Variants in PRR14L observed in about 807,000 individuals in gnomAD.
PRR14L encodes the protein proline rich 14 like.
Under a neutral mutation model 155.0 loss-of-function variants are expected in PRR14L, and 80 were observed. That is an observed-to-expected ratio of 0.52 (90% CI 0.43 to 0.62). The LOEUF is 0.62. Ranked by LOEUF, PRR14L falls within the 20% of genes least tolerant of loss-of-function variation. The probability of loss-of-function intolerance (pLI) is 0.00; values close to 1 mark genes in which losing one functional copy is unlikely to be tolerated. For synonymous variants in PRR14L, 883 were observed against 916.0 expected, an observed-to-expected ratio of 0.96 and a Z score of 0.65; for missense variants, 2,469 against 2,548.0, an observed-to-expected ratio of 0.97 and a Z score of 0.67.
intron 1 of PRR14L, among the ~76,000 whole-genome samples, chr22:31,746,141 G>A (rs1382491569): frequency 1.3e-5 from 2 of 152,036 alleles, no homozygotes; most frequent in Non-Finnish European, 2.9e-5. Flanking sequence ...CATTGCACAG[G>A]CTGGTCTTGA....
intron 7 of PRR14L, among the ~76,000 whole-genome samples, chr22:31,690,296 AC>A (rs2147852194): frequency 6.6e-6 from 1 of 152,156 alleles, no homozygotes; most frequent in South Asian, 2.1e-4. Flanking sequence ...TGATCCACCC[AC>A]CTCGGCCTCT....
intron 8 of PRR14L, among the ~76,000 whole-genome samples, chr22:31,686,256 G>A (rs1194144727): frequency 1.3e-5 from 2 of 149,846 alleles, no homozygotes; most frequent in Admixed American, 6.6e-5. Flanking sequence ...CCACCACCAC[G>A]CCCGGCTAAT....
chr22:31,740,251 A>G (rs1177091375), intron 1 of PRR14L, among the ~76,000 whole-genome samples: 2 of 151,062 alleles, frequency 1.3e-5, no homozygotes, highest in Non-Finnish European at 3.0e-5. Context: ...ATGGAGTCTC[A>G]CTCTGTCACC....
At chr22:31,748,268 G>T (rs867008970) in intron 1 of PRR14L, among the ~76,000 whole-genome samples, 1 of 152,320 alleles carries the variant, frequency 6.6e-6, no homozygotes. Context: ...AAAGAAAGAA[G>T]AGTTTTTTAA....
intron 4 of PRR14L, among the ~76,000 whole-genome samples, chr22:31,709,115 G>T (rs138252630): frequency 6.6e-6 from 1 of 151,514 alleles, no homozygotes; most frequent in African/African-American, 2.4e-5. Flanking sequence ...GAGCCACTGT[G>T]CCCAGCTGAC....
intron 7 of PRR14L, among the ~76,000 whole-genome samples, chr22:31,693,984 A>G (rs1361550142): frequency 6.6e-6 from 1 of 152,234 alleles, no homozygotes; most frequent in Non-Finnish European, 1.5e-5. Context: ...TAACATATAA[A>G]ACACACTATA....
rs2074460854 is a variant in PRR14L, at chr22:31,682,713, G to C, written c.*2814C>G. On this transcript the variant is annotated 3_prime_UTR_variant, in exon 9 of 9. Coordinates refer to ENST00000327423, the MANE Select transcript of PRR14L (RefSeq NM_173566.3). ...TTAAAAACACTAAACCTCTGGAAGT[G>C]ATAGTTGAGTAAGCTGTAGTTAACT... The C allele has an allele frequency of 6.6e-6, 1 of 152,174 alleles. No homozygotes were observed. The highest frequency in any genetic ancestry group is 2.4e-5 in the African/African-American group (1 of 41,442). 9.4% of individuals were successfully genotyped at this position (152,174 alleles called of 1,614,324 possible).
chr22:31,696,267 C>T (rs980072986), intron 7 of PRR14L, among the ~76,000 whole-genome samples: 1 of 151,732 alleles, frequency 6.6e-6, no homozygotes, highest in Non-Finnish European at 1.5e-5. Context: ...TCAGCCTCCC[C>T]AGTAGCTGGG....
intron 6 of PRR14L, among the ~76,000 whole-genome samples, chr22:31,702,511 G>T (rs928837034): frequency 6.6e-6 from 1 of 151,852 alleles, no homozygotes; most frequent in East Asian, 1.9e-4. Flanking sequence ...GTGAGCCACC[G>T]CATCTGGCCT....
At chr22:31,724,841 A>G (rs1458758534) in intron 3 of PRR14L, among the ~76,000 whole-genome samples, 1 of 152,180 alleles carries the variant, frequency 6.6e-6, no homozygotes, top group Non-Finnish European at 1.5e-5. Flanking sequence ...CAACCAACCT[A>G]AAAGTAATAA....
At chr22:31,688,361 C>A in intron 7 of PRR14L, 134 bp from the exon 8 acceptor site, 1 of 1,182,706 alleles carries the variant, frequency 8.5e-7, no homozygotes, top group Non-Finnish European at 1.1e-6. Context: ...CTCTAGCCAT[C>A]CTCCAGCCTC....
At chr22:31,729,624 A>G (rs954299110) in intron 2 of PRR14L, among the ~76,000 whole-genome samples, 11 of 152,236 alleles carry the variant, frequency 7.2e-5, no homozygotes, top group African/African-American at 2.7e-4. Flanking sequence ...TGATTGGAAT[A>G]TTTAACTTTT....
rs1488645451 is a variant in PRR14L at position 31,715,710 on chromosome 22, T to C, written c.2129A>G (p.Gln710Arg). The change falls in exon 4 of 9, where the codon CAG (glutamine) becomes CGG (arginine). Residue 710 changes from glutamine (Q) to arginine (R), a missense_variant. By Grantham distance (43) the Gln-to-Arg change is conservative. Around this residue, in one of 2 missense-constraint regions of PRR14L, gnomAD observed 2,363 missense variants for 2,371.6 expected, o/e 1.00. Coordinates refer to ENST00000327423, the MANE Select transcript of PRR14L (RefSeq NM_173566.3). ...TGGAGAGATGTCTTTTATTTTTGTCTGAATGGGAATGGTTTGTATATCAGC... is the reference window on the plus strand; with the variant it reads ...TGGAGAGATGTCTTTTATTTTTGTCCGAATGGGAATGGTTTGTATATCAGC... ...VIADIQTIPI[Q>R]TKIKDISPPG... The C allele has an allele frequency of 6.4e-7, 1 of 1,552,292 alleles. No individual in the cohort carries two copies. The highest frequency in any genetic ancestry group is 2.0e-5 in the Admixed American group (1 of 51,004).
chr22:31,690,948 A>T (rs1569497151), intron 7 of PRR14L, among the ~76,000 whole-genome samples: 4 of 133,874 alleles, frequency 3.0e-5, no homozygotes, highest in Non-Finnish European at 6.3e-5. Context: ...CCTCCAGCTA[A>T]TTTTTTTTTC....
chr22:31,726,908 C>T (rs1182332210), intron 2 of PRR14L, among the ~76,000 whole-genome samples: 2 of 151,412 alleles, frequency 1.3e-5, no homozygotes, highest in South Asian at 2.1e-4. Flanking sequence ...TTATCCATCC[C>T]GTTCTGTGAG....
Position 31,717,138 on chromosome 22 carries a change from ACTT to A in PRR14L, c.698_700del (p.Glu233del). 1.9e-6 allele frequency: 3 copies of A among 1,552,290 alleles called. No homozygotes were observed. The highest frequency in any genetic ancestry group is 2.4e-5 in the East Asian group (1 of 40,918). On this transcript the variant is annotated inframe_deletion, in exon 4 of 9. Coordinates refer to ENST00000327423, the MANE Select transcript of PRR14L (RefSeq NM_173566.3). ...CTCATCACTGGTCATGATTTTGTCTACTTCTTGGAATTCACCGCATCCAGCTGA... is the reference window on the plus strand; with the variant it reads ...CTCATCACTGGTCATGATTTTGTCTACTTGGAATTCACCGCATCCAGCTGA...
At chr22:31,700,730 A>C (rs568882554) in intron 7 of PRR14L, among the ~76,000 whole-genome samples, 1 of 152,106 alleles carries the variant, frequency 6.6e-6, no homozygotes, top group South Asian at 2.1e-4. Flanking sequence ...CTTATTTTGC[A>C]GTTTTAGTAG....
At chr22:31,691,605 T>C (rs1601491593) in intron 7 of PRR14L, among the ~76,000 whole-genome samples, 1 of 152,220 alleles carries the variant, frequency 6.6e-6, no homozygotes, top group Admixed American at 6.5e-5. Context: ...TGGTAACCAC[T>C]AAACTACTTT....
intron 3 of PRR14L, among the ~76,000 whole-genome samples, chr22:31,721,017 A>G (rs2147867677): frequency 6.6e-6 from 1 of 152,372 alleles, no homozygotes; most frequent in South Asian, 2.1e-4. Flanking sequence ...ACTCTCTGAA[A>G]AACAAGATAA....
Sources: gnomAD v4.1 joint callset for allele counts (sites outside exome capture counted in the v4.1 genomes callset) on GRCh38, gnomAD v4.1.1 for gene constraint, gnomAD v4.1.1 regional missense constraint, MANE v1.5 for transcripts, NCBI Gene and HGNC (gene_info 2026-07-23, HGNC 2026-07-21) for gene names.